Variants in EML4 observed in about 807,000 individuals in gnomAD.
The protein encoded by EML4 is EMAP like 4.
Under a neutral mutation model 129.0 loss-of-function variants are expected in EML4, and 72 were observed. The observed-to-expected ratio is 0.56, with a 90% confidence interval of 0.46 to 0.68. The LOEUF is 0.68. EML4 is among the 30% of genes least tolerant of loss of function. The pLI, the probability that EML4 is intolerant of heterozygous loss-of-function variation, is 0.00. For missense variants in EML4, 1,363 were observed against 1,190.6 expected, an observed-to-expected ratio of 1.14 and a Z score of -2.13; for synonymous variants, 532 against 405.0, an observed-to-expected ratio of 1.31 and a Z score of -3.77.
intron 6 of EML4, among the ~76,000 whole-genome samples, chr2:42,279,628 T>C (rs1209302648): frequency 6.6e-6 from 1 of 151,886 alleles, no homozygotes; most frequent in East Asian, 1.9e-4. Context: ...TGGCTAATTT[T>C]TTTTATTTTT....
At position 42,296,477 on chromosome 2, in the gene EML4, TTC is replaced by T. The variant is rs10689031; in HGVS notation, c.1489+981_1489+982del. On this transcript the variant is annotated intron_variant, in intron 13 of 22. Transcript: ENST00000318522. ...AACACACTGGAACAACACCTTATACTTCTCTCTCTCTCTCTCTCTCTGGAGTC... is the reference window on the plus strand; with the variant it reads ...AACACACTGGAACAACACCTTATACTTCTCTCTCTCTCTCTCTCTGGAGTC... Among the ~76,000 whole-genome samples, 131 of 148,458 alleles carry T rather than the reference TTC, an allele frequency of 8.8e-4. 1 individual carries two copies. The highest frequency in any genetic ancestry group is 2.0e-3 in the East Asian group (10 of 4,974).
At chr2:42,201,907 C>G (rs1326838046) in intron 1 of EML4, among the ~76,000 whole-genome samples, 2 of 152,072 alleles carry the variant, frequency 1.3e-5, no homozygotes, top group African/African-American at 2.4e-5. Flanking sequence ...CATGGTGAAA[C>G]CCCATCTCTA....
chr2:42,183,380 A>T (rs575399767), intron 1 of EML4, among the ~76,000 whole-genome samples: 75 of 152,326 alleles, frequency 4.9e-4, no homozygotes, highest in African/African-American at 1.7e-3. Flanking sequence ...ATTGATGTGT[A>T]CATTGTCGGT....
intron 19 of EML4, among the ~76,000 whole-genome samples, chr2:42,323,515 T>TA (rs1465685096): frequency 6.6e-6 from 1 of 152,178 alleles, no homozygotes. Context: ...ATGGTGGAGA[T>TA]TATGGCTCCA....
chr2:42,202,262 C>T (rs1374653383), intron 1 of EML4, among the ~76,000 whole-genome samples: 2 of 152,028 alleles, frequency 1.3e-5, no homozygotes, highest in African/African-American at 2.4e-5. Context: ...TATTGTAGGC[C>T]AGGTGCAGTG....
chr2:42,293,253 C>CGCGCACCGCCACGCCG (rs1419544467), intron 11 of EML4, among the ~76,000 whole-genome samples: 3 of 151,918 alleles, frequency 2.0e-5, no homozygotes, highest in Non-Finnish European at 4.4e-5. Flanking sequence ...AAAACTACAG[C>CGCGCACCGCCACGCCG]GCGCACCGCC....
In EML4 at chr2:42,331,978, A is replaced by C. The variant is rs115752275; in HGVS notation, c.*1771A>C. ...TTCTCTTCAAAAGAAGAGAGATTCC[A>C]AGCAACCCATCTTTCTTCAGTATGT... On this transcript the variant is annotated 3_prime_UTR_variant, in exon 23 of 23. Transcript: ENST00000318522. 312 of 217,392 alleles carry C rather than the reference A, an allele frequency of 1.4e-3. 1 individual carries two copies. The highest frequency in any genetic ancestry group is 6.4e-3 in the African/African-American group (287 of 44,536). 13.5% of individuals were successfully genotyped at this position (217,392 alleles called of 1,614,324 possible).
chr2:42,241,727 TA>T lies in EML4; in HGVS notation c.26-3774del, dbSNP rs1430143954. Among the ~76,000 whole-genome samples the T allele has an allele frequency of 2.6e-5, 4 of 152,322 alleles. No individual in the cohort carries two copies. The East Asian group carries it at 7.7e-4, about 29-fold the overall frequency. ...ATTATTGTTAGAATGCAGCATAGAA[TA>T]AAATAAAAGGCACATAAGGTGAGAG... On this transcript the variant is annotated intron_variant, in intron 1 of 22. Coordinates refer to ENST00000318522, the MANE Select transcript of EML4 (RefSeq NM_019063.5).
At chr2:42,306,879 C>G (rs1021248375) in intron 17 of EML4, among the ~76,000 whole-genome samples, 1 of 152,042 alleles carries the variant, frequency 6.6e-6, no homozygotes, top group Admixed American at 6.6e-5. Flanking sequence ...GACAGGAAAC[C>G]AAGACCCATA....
At chr2:42,325,606 ATATATATATATATATAT>A (rs1558614898) in intron 20 of EML4, 52 bp downstream of exon 20, 48 of 28,664 alleles carry the variant, frequency 1.7e-3, no homozygotes, top group Non-Finnish European at 2.4e-3. Context: ...TTATATTTAT[ATATATATATATATATAT>A]ATATATATAT....
chr2:42,314,066 A>C (rs937219989), intron 17 of EML4, among the ~76,000 whole-genome samples: 11 of 151,866 alleles, frequency 7.2e-5, no homozygotes, highest in African/African-American at 2.7e-4. Context: ...TAAAGATTAA[A>C]AATAAAAACT....
At position 42,295,405 on chromosome 2, in the gene EML4, C is replaced by A; in HGVS notation, c.1378C>A (p.Gln460Lys). 6.2e-7 allele frequency: 1 copy of A among 1,612,370 alleles called. No individual in the cohort carries two copies. Among genetic ancestry groups the A allele is most frequent in the Non-Finnish European group, 8.5e-7 (1 of 1,179,616 alleles). ...FGKYEKPKFVQCLAFLGNGDV... is the reference protein window; with the variant it reads ...FGKYEKPKFVKCLAFLGNGDV... ...GAAATATGAAAAGCCAAAATTTGTG[C>A]AGTGTTTAGCATTCTTGGGGAATGG... The change falls in exon 13 of 23, where the codon CAG (glutamine) becomes AAG (lysine). Residue 460 changes from glutamine to lysine, a missense_variant. Coordinates refer to ENST00000318522, the MANE Select transcript of EML4 (RefSeq NM_019063.5).
At chr2:42,241,607 T>C (rs1346401803) in intron 1 of EML4, among the ~76,000 whole-genome samples, 1 of 152,196 alleles carries the variant, frequency 6.6e-6, no homozygotes, top group Admixed American at 6.5e-5. Flanking sequence ...GCGACCAAAA[T>C]GATCTTCCTG....
chr2:42,284,279 A>G (rs1180330821), intron 8 of EML4, among the ~76,000 whole-genome samples: 1 of 152,246 alleles, frequency 6.6e-6, no homozygotes, highest in African/African-American at 2.4e-5. Flanking sequence ...ATAGATTAAA[A>G]TTAAACAGCA....
chr2:42,216,230 C>CCTTTTTTTTTTT (rs1673177607), intron 1 of EML4, among the ~76,000 whole-genome samples: 1 of 43,356 alleles, frequency 2.3e-5, no homozygotes, highest in African/African-American at 1.3e-4. Context: ...CGGCCCACTT[C>CCTTTTTTTTTTT]TTTTTTTTTT....
intron 1 of EML4, among the ~76,000 whole-genome samples, chr2:42,235,124 C>T (rs149055632): frequency 3.3e-5 from 5 of 152,168 alleles, no homozygotes; most frequent in African/African-American, 7.2e-5. Context: ...GGTGAGATCC[C>T]GTCTCTATTA....
intron 2 of EML4, among the ~76,000 whole-genome samples, chr2:42,249,803 G>C (rs1242273177): frequency 1.3e-5 from 2 of 152,230 alleles, no homozygotes; most frequent in African/African-American, 4.8e-5. Context: ...ATTTTCCCAT[G>C]AGTTTTTAAG....
At chr2:42,271,447 T>G (rs1666359970) in intron 6 of EML4, among the ~76,000 whole-genome samples, 1 of 152,108 alleles carries the variant, frequency 6.6e-6, no homozygotes, top group African/African-American at 2.4e-5. Context: ...AAGATCTGAT[T>G]TCATAATGTT....
In EML4 at chr2:42,257,670, C is replaced by T. The variant is rs544648435; in HGVS notation, c.338+1040C>T. Reference sequence around the variant, plus strand: ...CTAACACGGTGAAACCCCGTCTCTACTAAAAAATACAAAAAAAATAGCCAG... The same window carrying T: ...CTAACACGGTGAAACCCCGTCTCTATTAAAAAATACAAAAAAAATAGCCAG... On this transcript the variant is annotated intron_variant, in intron 3 of 22. Transcript: ENST00000318522. Among the ~76,000 whole-genome samples, 13 of 152,084 alleles carry T rather than the reference C, an allele frequency of 8.5e-5. No individual in the cohort carries two copies. In the South Asian group the frequency reaches 2.7e-3, roughly 32 times the overall value.
Sources: allele counts gnomAD v4.1 joint callset (sites outside exome capture counted in the v4.1 genomes callset), GRCh38; gene constraint gnomAD v4.1.1; transcripts MANE v1.5; gene names NCBI Gene and HGNC (gene_info 2026-07-23, HGNC 2026-07-21).